Variants in EVI5L observed in about 807,000 individuals in gnomAD.
EVI5L encodes EVI5-like protein.
Under a neutral mutation model 106.1 loss-of-function variants are expected in EVI5L, and 30 were observed. The ratio of observed to expected loss-of-function variants is 0.28; its 90% CI spans 0.21 to 0.38. The LOEUF (loss-of-function observed/expected upper bound fraction) is 0.38. Among genes scored for constraint, EVI5L ranks in the 10% least tolerant of loss-of-function variants. EVI5L has a pLI of 1.00. For missense variants in EVI5L, 809 were observed against 1,098.0 expected, an observed-to-expected ratio of 0.74 and a Z score of 3.72; for synonymous variants, 489 against 483.3, an observed-to-expected ratio of 1.01 and a Z score of -0.15.
At chr19:7,830,572 C>G (rs544512213) in intron 1 of EVI5L, among the ~76,000 whole-genome samples, 191 bp downstream of exon 1, 43 of 151,410 alleles carry the variant, frequency 2.8e-4, no homozygotes, top group African/African-American at 9.9e-4. Flanking sequence ...CCGATCCCTC[C>G]GGACCCCTCC....
At chr19:7,842,060 AGTGT>A (rs1382117372) in intron 1 of EVI5L, among the ~76,000 whole-genome samples, 1 of 151,804 alleles carries the variant, frequency 6.6e-6, no homozygotes, top group Non-Finnish European at 1.5e-5. Flanking sequence ...CGGGTGCAAG[AGTGT>A]GTGTCAATGG....
intron 1 of EVI5L, among the ~76,000 whole-genome samples, chr19:7,834,646 T>C (rs1005849278): frequency 4.5e-4 from 69 of 152,330 alleles, no homozygotes; most frequent in African/African-American, 1.6e-3. Flanking sequence ...GGATGCCTAC[T>C]AGACTCTGAA....
chr19:7,853,999 T>C (rs557322033), intron 10 of EVI5L, among the ~76,000 whole-genome samples: 4 of 152,146 alleles, frequency 2.6e-5, no homozygotes, highest in Non-Finnish European at 5.9e-5. Context: ...CAAGCATTTA[T>C]TGCCGGGCGC....
rs1469014896 is a variant in EVI5L, at chr19:7,835,056, G to T, written c.-48+4675G>T. 1.3e-5 allele frequency among the ~76,000 whole-genome samples: 2 copies of T among 152,098 alleles called. No homozygotes were observed. Among genetic ancestry groups the T allele is most frequent in the African/African-American group, 4.8e-5 (2 of 41,404 alleles). The stretch of plus-strand genomic sequence containing the variant: ...GGAGGCTGAGGCAGGAGAATCACTT[G>T]AGCTCAGGAGTTGGAGCCTGCAGTT... On this transcript the variant is annotated intron_variant, in intron 1 of 19. Coordinates refer to ENST00000538904, the MANE Select transcript of EVI5L (RefSeq NM_001159944.3). The surrounding 1 kb of genome is among the most constrained non-coding windows in gnomAD (Gnocchi z 4.1).
intron 1 of EVI5L, among the ~76,000 whole-genome samples, chr19:7,839,869 C>T (rs1305821776): frequency 1.3e-5 from 2 of 152,190 alleles, no homozygotes; most frequent in East Asian, 3.8e-4. Context: ...CCACTGCACT[C>T]CAGCCTGGGA....
intron 10 of EVI5L, among the ~76,000 whole-genome samples, chr19:7,855,100 G>A (rs1454850728): frequency 4.6e-5 from 7 of 151,048 alleles, no homozygotes; most frequent in Admixed American, 2.6e-4. Context: ...AACCTAAAGT[G>A]CAAATATCTT....
At chr19:7,862,312 C>T (rs985502212) in intron 16 of EVI5L, 35 bp downstream of exon 16, 8 of 1,579,778 alleles carry the variant, frequency 5.1e-6, no homozygotes, top group African/African-American at 4.0e-5. Context: ...GGGGAAGGGG[C>T]GTGGTGTCCG....
intron 17 of EVI5L, among the ~76,000 whole-genome samples, chr19:7,862,737 A>ACC (rs1410815818): frequency 0.047 from 1,085 of 23,098 alleles, no homozygotes; most frequent in Admixed American, 0.077. Flanking sequence ...CCGCCTCCTG[A>ACC]CCACCCCCCC....
chr19:7,862,412 A>T lies in EVI5L; in HGVS notation c.1825A>T (p.Asn609Tyr). ...TQDHIHRNLL[N>Y]RVEAERAALQ... ...GGACCACATCCACCGCAACCTTCTG[A>T]ACCGCGTGGAGGCGGAGCGCGCGGC... is the stretch of plus-strand genomic sequence containing the variant. Residue 609 changes from asparagine (N) to tyrosine (Y), a missense_variant, in exon 17 of 20, where the codon AAC becomes TAC. Physicochemically the swap from Asn to Tyr is moderately radical, Grantham distance 143. This residue lies in a region of EVI5L where 452 missense variants were observed against 509.9 expected (regional missense o/e 0.89). Transcript: ENST00000538904. 1 of 1,609,958 alleles carries T rather than the reference A, an allele frequency of 6.2e-7. No homozygotes were observed. The highest frequency in any genetic ancestry group is 2.2e-5 in the East Asian group (1 of 44,746).
intron 1 of EVI5L, among the ~76,000 whole-genome samples, chr19:7,846,110 T>C (rs550254549): frequency 2.1e-3 from 319 of 152,278 alleles, no homozygotes; most frequent in African/African-American, 7.1e-3. Flanking sequence ...AGGGGGCTCC[T>C]GCACCCCGAG....
intron 1 of EVI5L, among the ~76,000 whole-genome samples, chr19:7,833,149 G>C (rs1187024589): frequency 6.6e-6 from 1 of 152,206 alleles, no homozygotes; most frequent in Non-Finnish European, 1.5e-5. Context: ...CTGCATCTTT[G>C]TTTGAGCTTT....
At chr19:7,855,964 T>C (rs773123727) in intron 10 of EVI5L, 51 bp from the exon 11 acceptor site, 4 of 1,316,442 alleles carry the variant, frequency 3.0e-6, no homozygotes, top group Non-Finnish European at 3.9e-6. Context: ...GGGGTGCATG[T>C]AGACAGGCGT....
rs765651953 is a variant in EVI5L, at chr19:7,848,963, G to T, written c.370G>T (p.Val124Leu). ...CATCCCCCACCACTTCCGGGCCATC[G>T]TGTGGCAGCTTCTGTGCAGCGCCAC... ...KGIPHHFRAI[V>L]WQLLCSATDM... The change falls in exon 4 of 20, where the codon GTG becomes TTG. Residue 124 changes from valine (V) to leucine (L), a missense_variant. By Grantham distance (32) the Val-to-Leu change is conservative (BLOSUM62 1). This residue lies in a region of EVI5L where 357 missense variants were observed against 588.1 expected (regional missense o/e 0.61). Coordinates refer to ENST00000538904, the MANE Select transcript of EVI5L (RefSeq NM_001159944.3). The surrounding 1 kb of genome is among the most constrained non-coding windows in gnomAD (Gnocchi z 4.8). 6.2e-7 allele frequency: 1 copy of T among 1,613,206 alleles called. No individual in the cohort carries two copies. The highest frequency in any genetic ancestry group is 1.1e-5 in the South Asian group (1 of 91,082).
intron 10 of EVI5L, among the ~76,000 whole-genome samples, chr19:7,855,218 T>A (rs898510575): frequency 1.3e-5 from 2 of 150,490 alleles, no homozygotes; most frequent in Non-Finnish European, 2.9e-5. Context: ...CGGGTTCAAG[T>A]GATTCTCCTG....
intron 10 of EVI5L, among the ~76,000 whole-genome samples, chr19:7,855,336 C>T (rs1240445789): frequency 6.6e-6 from 1 of 152,126 alleles, no homozygotes; most frequent in Non-Finnish European, 1.5e-5. Flanking sequence ...AGGTGATTTG[C>T]CTGCCTCGGC....
In EVI5L at chr19:7,849,044, G is replaced by C; in HGVS notation, c.451G>C (p.Glu151Gln). Residue 151 changes from glutamate to glutamine, a missense_variant, in exon 4 of 20, where the codon GAG (glutamate) becomes CAG (glutamine). This residue lies in a region of EVI5L where 357 missense variants were observed against 588.1 expected (regional missense o/e 0.61). Coordinates refer to ENST00000538904, the MANE Select transcript of EVI5L (RefSeq NM_001159944.3). ...GCTGCTCAAGATGTCCTCGCCGTGC[G>C]AGAAGCTGATCCGCAGGGACATCGC... Reference protein sequence around the residue: ...SELLKMSSPCEKLIRRDIART... With the variant: ...SELLKMSSPCQKLIRRDIART... 5 of 1,613,580 alleles carry C rather than the reference G, an allele frequency of 3.1e-6. No homozygotes were observed. The highest frequency in any genetic ancestry group is 4.2e-6 in the Non-Finnish European group (5 of 1,179,964).
At chr19:7,855,680 C>T (rs1979485851) in intron 10 of EVI5L, among the ~76,000 whole-genome samples, 1 of 152,224 alleles carries the variant, frequency 6.6e-6, no homozygotes, top group Non-Finnish European at 1.5e-5. Flanking sequence ...CCGCACAACC[C>T]TTGGCAGACT....
chr19:7,857,227 AGGCCT>A lies in EVI5L; in HGVS notation c.1233+107_1233+111del. 2 of 1,478,968 alleles carry A rather than the reference AGGCCT, an allele frequency of 1.4e-6. No individual in the cohort carries two copies. The highest frequency in any genetic ancestry group is 2.4e-5 in the South Asian group (2 of 82,520). 91.6% of individuals were successfully genotyped at this position (1,478,968 alleles called of 1,614,324 possible). On this transcript the variant is annotated intron_variant, in intron 12 of 19. Coordinates refer to ENST00000538904, the MANE Select transcript of EVI5L (RefSeq NM_001159944.3). This position sits in a 1 kb window ranked among gnomAD's most constrained non-coding sequence, Gnocchi z 4.5. ...GCCTCTTCCCTGCCATTCTGCGGGC[AGGCCT>A]GGCGCCATGCATGGAGCAGCTGGGG...
chr19:7,847,812 C>T lies in EVI5L; in HGVS notation c.218C>T (p.Ser73Phe), dbSNP rs1979027770. 5.0e-6 allele frequency: 8 copies of T among 1,612,256 alleles called. No homozygotes were observed. The highest frequency in any genetic ancestry group is 1.1e-5 in the South Asian group (1 of 90,732). Residue 73 changes from serine to phenylalanine, a missense_variant, in exon 3 of 20, where the codon TCC becomes TTC. Ser to Phe is a radical substitution (Grantham distance 155). Transcript: ENST00000538904. ...RNSGSSLVSS[S>F]SASSNLSHLE... ...AGTGGCTCCTCGCTAGTGTCCAGCT[C>T]CTCGGCCTCCTCCAACCTGAGCCAC...
Sources: allele counts gnomAD v4.1 joint callset (sites outside exome capture counted in the v4.1 genomes callset), GRCh38; gene constraint gnomAD v4.1.1; regional missense constraint gnomAD v4.1.1; non-coding constraint Gnocchi (gnomAD v3.1); transcripts MANE v1.5; gene names NCBI Gene and HGNC (gene_info 2026-07-23, HGNC 2026-07-21).